Variants in CA9 observed in about 807,000 individuals in gnomAD.
CA9 encodes carbonic anhydrase 9.
A neutral mutation model predicts 51.8 loss-of-function variants in CA9; 43 were observed. That is an observed-to-expected ratio of 0.83 (90% CI 0.65 to 1.07). The LOEUF is 1.07. Ranked by LOEUF, CA9 falls within the 50% of genes least tolerant of loss-of-function variation. The pLI is 0.00. For synonymous variants in CA9, 253 were observed against 244.2 expected (o/e 1.04, Z -0.34); for missense variants, 574 against 581.4 (o/e 0.99, Z 0.13).
intron 5 of CA9, among the ~76,000 whole-genome samples, chr9:35,677,216 G>A (rs1824440696): frequency 6.6e-6 from 1 of 152,044 alleles, no homozygotes; most frequent in South Asian, 2.1e-4. Context: ...CTCCATCATA[G>A]CATGTCAATA....
At position 35,675,827 on chromosome 9, in the gene CA9, G is replaced by A; in HGVS notation, c.500G>A (p.Arg167His). ...AGRFQSPVDI[R>H]PQLAAFCPAL... is the part of the protein sequence containing the mutation. The stretch of plus-strand genomic sequence containing the variant: ...CGCTTCCAGTCCCCGGTGGATATCC[G>A]CCCCCAGCTCGCCGCCTTCTGCCCG... The change falls in exon 3 of 11, where the codon CGC becomes CAC. Residue 167 changes from arginine to histidine, a missense_variant. Physicochemically the swap from Arg to His is conservative, Grantham distance 29 (BLOSUM62 0). Transcript: ENST00000378357. 6.2e-7 allele frequency: 1 copy of A among 1,603,680 alleles called. No homozygotes were observed. Among genetic ancestry groups the A allele is most frequent in the South Asian group, 1.1e-5 (1 of 90,930 alleles).
chr9:35,678,084 C>T (rs1282278329), intron 6 of CA9, among the ~76,000 whole-genome samples: 9 of 152,102 alleles, frequency 5.9e-5, no homozygotes, highest in African/African-American at 1.9e-4. Context: ...CGGTGGCTCA[C>T]GCCTGTAATC....
Position 35,677,810 on chromosome 9 carries a change from T to C in CA9, c.861T>C (p.Ser287=). 6.2e-7 allele frequency: 1 copy of C among 1,614,088 alleles called. No homozygotes were observed. The highest frequency in any genetic ancestry group is 8.5e-7 in the Non-Finnish European group (1 of 1,179,946). The change falls in exon 6 of 11, where the codon AGT becomes AGC. Residue 287 remains serine, a synonymous_variant. Coordinates refer to ENST00000378357, the MANE Select transcript of CA9 (RefSeq NM_001216.3). ...AFLEEGPEEN[S]AYEQLLSRLE... ...CCCAGGAGGGCCCGGAAGAAAACAG[T>C]GCCTATGAGCAGTTGCTGTCTCGCT...
In CA9 at chr9:35,679,924, A is replaced by G. The variant is rs1483914542; in HGVS notation, c.1136A>G (p.Gln379Arg). The change falls in exon 8 of 11, where the codon CAG becomes CGG. Residue 379 changes from glutamine to arginine, a missense_variant. Transcript: ENST00000378357. ...SRLQLNFRATQPLNGRVIEAS... is the reference protein window; with the variant it reads ...SRLQLNFRATRPLNGRVIEAS... ...CTACAGCTGAACTTCCGAGCGACGCAGCCTTTGAATGGGCGAGTGATTGAG... is the reference window on the plus strand; with the variant it reads ...CTACAGCTGAACTTCCGAGCGACGCGGCCTTTGAATGGGCGAGTGATTGAG... 6.2e-7 allele frequency: 1 copy of G among 1,613,836 alleles called. No homozygotes were observed. Among genetic ancestry groups the G allele is most frequent in the Admixed American group, 1.7e-5 (1 of 59,948 alleles).
intron 1 of CA9, 93 bp downstream of exon 1, chr9:35,674,455 G>A: frequency 8.0e-7 from 1 of 1,245,134 alleles, no homozygotes; most frequent in Non-Finnish European, 1.1e-6. Flanking sequence ...CAGGGAAGGA[G>A]GGGAGACTGT....
rs771642912 is a variant in CA9, at chr9:35,679,984, G to A, written c.1196G>A (p.Arg399Gln). Reference protein sequence around the residue: ...SFPAGVDSSPRAAEPVQLNSC... With the variant: ...SFPAGVDSSPQAAEPVQLNSC... ...CCTGCTGGAGTGGACAGCAGTCCTC[G>A]GGCTGCTGAGCCAGGTACAGCTTTG... Residue 399 changes from arginine to glutamine, a missense_variant, in exon 8 of 11, where the codon CGG becomes CAG. By Grantham distance (43) the Arg-to-Gln change is conservative. Transcript: ENST00000378357. The A allele has an allele frequency of 8.7e-6, 14 of 1,614,036 alleles. No homozygotes were observed. Among genetic ancestry groups the A allele is most frequent in the East Asian group, 6.7e-5 (3 of 44,888 alleles).
At chr9:35,676,435 G>A in intron 5 of CA9, 46 bp downstream of exon 5, 1 of 1,472,248 alleles carries the variant, frequency 6.8e-7, no homozygotes, top group South Asian at 1.2e-5. Flanking sequence ...CCCATCCCAT[G>A]CTCCTCCCGG....
Position 35,679,861 on chromosome 9 carries a change from C to T in CA9, c.1073C>T (p.Thr358Ile). ...TVMLSAKQLH[T>I]LSDTLWGPGD... The stretch of plus-strand genomic sequence containing the variant: ...GTCCACTGACCTCCCTAGCTCCACA[C>T]CCTCTCTGACACCCTGTGGGGACCT... Residue 358 changes from threonine to isoleucine, a missense_variant, in exon 8 of 11, where the codon ACC becomes ATC. Physicochemically the swap from Thr to Ile is moderately conservative, Grantham distance 89. Transcript: ENST00000378357. 1.2e-6 allele frequency: 2 copies of T among 1,606,714 alleles called. No individual in the cohort carries two copies. Among genetic ancestry groups the T allele is most frequent in the Non-Finnish European group, 1.7e-6 (2 of 1,176,876 alleles).
chr9:35,680,151 CCT>C lies in CA9; in HGVS notation c.1237+14_1237+15del. ...CTGCCTGGCTGCTGGTGAGTCTGCCCCTCCTCTTGGTCCTGATGCCAGGAGAC... is the reference window on the plus strand; with the variant it reads ...CTGCCTGGCTGCTGGTGAGTCTGCCCCCTCTTGGTCCTGATGCCAGGAGAC... On this transcript the variant is annotated intron_variant, in intron 9 of 10. Coordinates refer to ENST00000378357, the MANE Select transcript of CA9 (RefSeq NM_001216.3). 6.2e-7 allele frequency: 1 copy of C among 1,614,186 alleles called. No homozygotes were observed. Among genetic ancestry groups the C allele is most frequent in the Non-Finnish European group, 8.5e-7 (1 of 1,180,034 alleles).
At chr9:35,679,718 A>G (rs1294954127) in intron 7 of CA9, 136 bp from the exon 8 acceptor site, 4 of 799,108 alleles carry the variant, frequency 5.0e-6, no homozygotes, top group Non-Finnish European at 7.8e-6. Flanking sequence ...ATTTATTTAT[A>G]AAAGAAATCA....
rs545448603 is a variant in CA9, at chr9:35,675,355, T to C, written c.404-183T>C. ...TGATTGCAAGCTGGTAGGATTGCTG[T>C]TTGGCCCACCCAGCTGCGGTGTTGA... is the stretch of plus-strand genomic sequence containing the variant. On this transcript the variant is annotated intron_variant, in intron 1 of 10. Coordinates refer to ENST00000378357, the MANE Select transcript of CA9 (RefSeq NM_001216.3). The C allele has an allele frequency of 1.6e-4, 105 of 648,328 alleles. 1 individual carries two copies. The South Asian group carries it at 1.9e-3, about 11-fold the overall frequency. The allele number at this position is 648,328 out of a possible 1,614,324, so 40.2% of individuals were successfully genotyped here.
rs767667342 is a variant in CA9, at chr9:35,680,158, T to C, written c.1237+19T>C. 3 of 1,614,034 alleles carry C rather than the reference T, an allele frequency of 1.9e-6. No individual in the cohort carries two copies. In the African/African-American group the frequency reaches 4.0e-5, roughly 22 times the overall value. Reference sequence around the variant, plus strand: ...GCTGCTGGTGAGTCTGCCCCTCCTCTTGGTCCTGATGCCAGGAGACTCCTC... The same window carrying C: ...GCTGCTGGTGAGTCTGCCCCTCCTCCTGGTCCTGATGCCAGGAGACTCCTC... On this transcript the variant is annotated intron_variant, in intron 9 of 10. Coordinates refer to ENST00000378357, the MANE Select transcript of CA9 (RefSeq NM_001216.3).
Position 35,675,864 on chromosome 9 carries a change from C to A in CA9, c.537C>A (p.Pro179=). Residue 179 remains proline, a synonymous_variant, in exon 3 of 11, where the codon CCC becomes CCA. Transcript: ENST00000378357. ...CCGCCTTCTGCCCGGCCCTGCGCCC[C>A]CTGGAACTCCTGGGCTTCCAGCTCC... ...QLAAFCPALR[P]LELLGFQLPP... 1.2e-6 allele frequency: 2 copies of A among 1,606,158 alleles called. No individual in the cohort carries two copies. Among genetic ancestry groups the A allele is most frequent in the Non-Finnish European group, 1.7e-6 (2 of 1,179,392 alleles).
chr9:35,679,084 TGA>T, intron 6 of CA9, 99 bp from the exon 7 acceptor site: 1 of 1,282,320 alleles, frequency 7.8e-7, no homozygotes, highest in Non-Finnish European at 1.1e-6. Flanking sequence ...GTCTCAGAGT[TGA>T]GTTACCTTGG....
At chr9:35,678,837 T>C (rs1183051451) in intron 6 of CA9, among the ~76,000 whole-genome samples, 1 of 152,060 alleles carries the variant, frequency 6.6e-6, no homozygotes, top group Non-Finnish European at 1.5e-5. Context: ...TTTAATTTGC[T>C]CTGGGCTTAA....
intron 1 of CA9, chr9:35,674,637 G>C: frequency 2.9e-6 from 1 of 342,746 alleles, no homozygotes. Context: ...GATGAGAACT[G>C]CAGATGAGAG....
At chr9:35,674,416 C>T (rs576502164) in intron 1 of CA9, 54 bp downstream of exon 1, 1 of 1,519,026 alleles carries the variant, frequency 6.6e-7, no homozygotes, top group East Asian at 2.3e-5. Flanking sequence ...TGACTCCCCT[C>T]CCATACCCCA....
In CA9 at chr9:35,674,571, G is replaced by T. The variant is rs548218436; in HGVS notation, c.403+209G>T. The T allele has an allele frequency of 3.9e-5, 21 of 535,202 alleles. No individual in the cohort carries two copies. In the East Asian group the frequency reaches 6.1e-4, roughly 16 times the overall value. 33.2% of individuals were successfully genotyped at this position (535,202 alleles called of 1,614,324 possible). ...AGAGAAAATAAAAAGGGTGCAAAAG[G>T]AGAGAGGTGAGCTGGATGAGATGGG... On this transcript the variant is annotated intron_variant, in intron 1 of 10. Transcript: ENST00000378357.
chr9:35,676,354 C>G lies in CA9; in HGVS notation c.805C>G (p.Pro269Ala). 1.2e-6 allele frequency: 2 copies of G among 1,614,008 alleles called. No individual in the cohort carries two copies. Among genetic ancestry groups the G allele is most frequent in the South Asian group, 2.2e-5 (2 of 91,076 alleles). ...CAGAGTTGACGAGGCCTTGGGGCGCCCGGGAGGCCTGGCCGTGTTGGCCGC... is the reference window on the plus strand; with the variant it reads ...CAGAGTTGACGAGGCCTTGGGGCGCGCGGGAGGCCTGGCCGTGTTGGCCGC... ...FARVDEALGR[P>A]GGLAVLAAFL... is the part of the protein sequence containing the mutation. The change falls in exon 5 of 11, where the codon CCG becomes GCG. Residue 269 changes from proline (P) to alanine (A), a missense_variant. Pro to Ala is a conservative substitution (Grantham distance 27, BLOSUM62 -1). Coordinates refer to ENST00000378357, the MANE Select transcript of CA9 (RefSeq NM_001216.3).
Sources: gnomAD v4.1 joint callset for allele counts (sites outside exome capture counted in the v4.1 genomes callset) on GRCh38, gnomAD v4.1.1 for gene constraint, MANE v1.5 for transcripts, NCBI Gene and HGNC (gene_info 2026-07-23, HGNC 2026-07-21) for gene names.